WDR41: variants seen among roughly 807,000 people sequenced by gnomAD.
The protein encoded by WDR41 is WD repeat-containing protein 41.
A neutral mutation model predicts 69.3 loss-of-function variants in WDR41; 63 were observed. The ratio of observed to expected loss-of-function variants is 0.91; its 90% CI spans 0.74 to 1.12. The LOEUF (loss-of-function observed/expected upper bound fraction) is 1.12. Among genes scored for constraint, WDR41 ranks in the 50% most tolerant of loss-of-function variants. WDR41 has a pLI of 0.00. For missense variants in WDR41, 543 were observed against 534.5 expected (o/e 1.02, Z -0.16); for synonymous variants, 185 against 192.1 (o/e 0.96, Z 0.31).
At position 77,560,315 on chromosome 5, in the gene WDR41, G is replaced by C. The variant is rs150479423; in HGVS notation, c.42+60164C>G. Among the ~76,000 whole-genome samples, 368 of 152,262 alleles carry C rather than the reference G, an allele frequency of 2.4e-3. 2 individuals are homozygous for C. In the East Asian group the frequency reaches 0.033, roughly 14 times the overall value. On this transcript the variant is annotated intron_variant, in intron 1 of 5. Coordinates refer to the WDR41 transcript ENST00000509971. ...TTTACATATCCCCTTGTGGGAGAAA[G>C]ATCAACTTGTGATCTGCTTTATAAA... is the stretch of plus-strand genomic sequence containing the variant.
At position 77,486,829 on chromosome 5, in the gene WDR41, G is replaced by T. The variant is rs1382059359; in HGVS notation, c.167+2628C>A. Among the ~76,000 whole-genome samples the T allele has an allele frequency of 3.9e-5, 6 of 152,212 alleles. No individual in the cohort carries two copies. In the East Asian group the frequency reaches 1.2e-3, roughly 29 times the overall value. On this transcript the variant is annotated intron_variant, in intron 2 of 12. Coordinates refer to ENST00000296679, the MANE Select transcript of WDR41 (RefSeq NM_018268.4). ...GCCTAGCCCGAATTGCCATCCTGCA[G>T]AATAATGAGCTAAATAGATGGGGTT...
At chr5:77,536,504 GA>G (rs1054401229) in intron 1 of WDR41, among the ~76,000 whole-genome samples, 9 of 151,902 alleles carry the variant, frequency 5.9e-5, no homozygotes, top group Admixed American at 5.2e-4. Context: ...CAAAGACGAG[GA>G]AAAAAAGACA....
chr5:77,431,748 C>A lies in WDR41; in HGVS notation c.*1387G>T, dbSNP rs2151276626. Reference sequence around the variant, plus strand: ...AACTTTACAAATGTATGGGCCAATGCAGAATTTCTAAAGGAAAAAGCACGT... The same window carrying A: ...AACTTTACAAATGTATGGGCCAATGAAGAATTTCTAAAGGAAAAAGCACGT... On this transcript the variant is annotated 3_prime_UTR_variant, in exon 13 of 13. Transcript: ENST00000296679. 6.6e-6 allele frequency: 1 copy of A among 152,290 alleles called. No homozygotes were observed. Among genetic ancestry groups the A allele is most frequent in the East Asian group, 1.9e-4 (1 of 5,188 alleles). 9.4% of individuals were successfully genotyped at this position (152,290 alleles called of 1,614,324 possible). A position where few individuals can be genotyped will look rare whatever the true frequency, so the allele number is the denominator to read the frequency against.
At position 77,513,556 on chromosome 5, in the gene WDR41, T is replaced by G. The variant is rs115886923; in HGVS notation, c.43-23984A>C. Among the ~76,000 whole-genome samples, 559 of 152,296 alleles carry G rather than the reference T, an allele frequency of 3.7e-3. 4 individuals carry two copies. Among genetic ancestry groups the G allele is most frequent in the African/African-American group, 0.013 (527 of 41,562 alleles). On this transcript the variant is annotated intron_variant, in intron 1 of 5. Coordinates refer to the WDR41 transcript ENST00000509971. ...ATTCATCCATCTGCTTCCTTCCTCC[T>G]TGCATTCAGGGAAAGTATAAAAGTT...
chr5:77,490,977 T>G (rs891872307), intron 1 of WDR41, among the ~76,000 whole-genome samples: 1 of 152,250 alleles, frequency 6.6e-6, no homozygotes, highest in Non-Finnish European at 1.5e-5. Flanking sequence ...ATACTTCTTA[T>G]GAGAAATAAA....
chr5:77,611,711 C>G, intron 1 of WDR41, among the ~76,000 whole-genome samples: 1 of 151,674 alleles, frequency 6.6e-6, no homozygotes, highest in African/African-American at 2.4e-5. Context: ...AATTGACACC[C>G]TAACATCACA....
chr5:77,467,869 AC>A (rs1233729994), intron 2 of WDR41, among the ~76,000 whole-genome samples: 1 of 152,020 alleles, frequency 6.6e-6, no homozygotes. Context: ...CAGAATCCCT[AC>A]CACACAAAAA....
chr5:77,502,066 C>G (rs577979803), intron 1 of WDR41, among the ~76,000 whole-genome samples: 5 of 152,178 alleles, frequency 3.3e-5, no homozygotes, highest in Admixed American at 3.3e-4. Context: ...TAATAACAAA[C>G]TCCTCTGAGC....
At chr5:77,509,457 G>A (rs891189176) in intron 1 of WDR41, among the ~76,000 whole-genome samples, 1 of 152,084 alleles carries the variant, frequency 6.6e-6, no homozygotes, top group Non-Finnish European at 1.5e-5. Context: ...ACTCAAAAGG[G>A]GAAAGAACTC....
At chr5:77,576,763 C>A (rs1385103173) in intron 1 of WDR41, among the ~76,000 whole-genome samples, 1 of 152,062 alleles carries the variant, frequency 6.6e-6, no homozygotes, top group African/African-American at 2.4e-5. Flanking sequence ...AAATCTGCAC[C>A]AACTATCTCT....
At chr5:77,593,766 G>T (rs1744172153) in intron 1 of WDR41, among the ~76,000 whole-genome samples, 1 of 152,042 alleles carries the variant, frequency 6.6e-6, no homozygotes, top group Admixed American at 6.6e-5. Flanking sequence ...CTAGAATACA[G>T]ATCTGATTTT....
intron 1 of WDR41, among the ~76,000 whole-genome samples, chr5:77,543,583 T>C (rs751945852): frequency 1.3e-5 from 2 of 152,028 alleles, no homozygotes; most frequent in African/African-American, 2.4e-5. Flanking sequence ...GGTCTTTGAA[T>C]TAACCCAATC....
chr5:77,446,832 C>T (rs1319067768), intron 8 of WDR41, among the ~76,000 whole-genome samples: 1 of 152,096 alleles, frequency 6.6e-6, no homozygotes, highest in Non-Finnish European at 1.5e-5. Flanking sequence ...AGAAGAAAAC[C>T]TAGGCAATAC....
At chr5:77,560,917 T>G (rs1436580572) in intron 1 of WDR41, among the ~76,000 whole-genome samples, 1 of 152,172 alleles carries the variant, frequency 6.6e-6, no homozygotes, top group Non-Finnish European at 1.5e-5. Context: ...TACAGTTTCA[T>G]GAAACTTCTT....
chr5:77,458,349 A>G (rs1799914286), intron 5 of WDR41, among the ~76,000 whole-genome samples: 1 of 152,138 alleles, frequency 6.6e-6, no homozygotes, highest in African/African-American at 2.4e-5. Flanking sequence ...TTCTTTTTAC[A>G]TTAAGAAAAA....
At position 77,512,334 on chromosome 5, in the gene WDR41, G is replaced by GAGAGAGAGAA. The variant is rs1476098637; in HGVS notation, c.43-22763_43-22762insTTCTCTCTCT. ...GTCTGTAATTACATGGGGTGAGTGA[G>GAGAGAGAGAA]AGAGAGAGAGAGAGAGAGTGAGTGT... On this transcript the variant is annotated intron_variant, in intron 1 of 5. Transcript: ENST00000509971. 4.3e-3 allele frequency among the ~76,000 whole-genome samples: 513 copies of GAGAGAGAGAA among 120,260 alleles called. 6 individuals are homozygous for GAGAGAGAGAA. Among genetic ancestry groups the GAGAGAGAGAA allele is most frequent in the African/African-American group, 0.015 (439 of 28,908 alleles). 78.9% of individuals were successfully genotyped at this position (120,260 alleles called of 152,430 possible).
At chr5:77,530,734 A>G (rs1395931348) in intron 1 of WDR41, among the ~76,000 whole-genome samples, 1 of 151,802 alleles carries the variant, frequency 6.6e-6, no homozygotes, top group East Asian at 1.9e-4. Context: ...GCATTTCATT[A>G]TATGTAAAAT....
intron 1 of WDR41, among the ~76,000 whole-genome samples, chr5:77,535,755 C>T (rs188848154): frequency 8.5e-5 from 13 of 152,208 alleles, no homozygotes; most frequent in African/African-American, 1.7e-4. Flanking sequence ...GATGACAAGA[C>T]GAAATTGCCT....
intron 1 of WDR41, among the ~76,000 whole-genome samples, chr5:77,575,950 G>A (rs1375077666): frequency 6.6e-6 from 1 of 152,216 alleles, no homozygotes; most frequent in Non-Finnish European, 1.5e-5. Flanking sequence ...GCTAATGTCT[G>A]TGGTTCTGAG....
Sources: gnomAD v4.1 joint callset for allele counts (sites outside exome capture counted in the v4.1 genomes callset) on GRCh38, gnomAD v4.1.1 for gene constraint, MANE v1.5 for transcripts, NCBI Gene and HGNC (gene_info 2026-07-23, HGNC 2026-07-21) for gene names.